FRMPD4: variants seen among roughly 807,000 people sequenced by gnomAD.
The protein encoded by FRMPD4 is FERM and PDZ domain containing 4, also known as FERM and PDZ domain-containing protein 4.
Under a neutral mutation model 94.1 loss-of-function variants are expected in FRMPD4, and 22 were observed. The observed-to-expected ratio is 0.23, with a 90% CI of 0.17 to 0.33. The LOEUF (loss-of-function observed/expected upper bound fraction) is 0.33. Among genes scored for constraint, FRMPD4 ranks in the 10% least tolerant of loss-of-function variants. FRMPD4 has a pLI of 1.00. For missense variants in FRMPD4, 1,111 were observed against 1,339.9 expected (o/e 0.83, Z 2.67); for synonymous variants, 631 against 548.6 (o/e 1.15, Z -2.10).
intron 4 of FRMPD4, among the ~76,000 whole-genome samples, chrX:12,645,347 C>CTTTTTTTTTTTTTTTT (rs138817056): frequency 1.1e-4 from 6 of 55,640 alleles, no homozygotes; most frequent in African/African-American, 4.3e-4. Flanking sequence ...CACTCTCACT[C>CTTTTTTTTTTTTTTTT]TTTTTTTTTT....
intron 1 of FRMPD4, among the ~76,000 whole-genome samples, chrX:12,184,399 C>T (rs1429368149): frequency 2.7e-5 from 3 of 111,467 alleles, no homozygotes; most frequent in African/African-American, 9.8e-5. Context: ...CTCTGGTGGC[C>T]AGTCACACAC....
At chrX:12,316,978 C>A (rs1456080881) in intron 1 of FRMPD4, among the ~76,000 whole-genome samples, 1 of 111,497 alleles carries the variant, frequency 9.0e-6, no homozygotes, top group Non-Finnish European at 1.9e-5. Context: ...AAATTTATAT[C>A]CAGTGAAAAA....
At chrX:12,076,258 G>A (rs1480046106) in intron 3 of FRMPD4, among the ~76,000 whole-genome samples, 2 of 110,293 alleles carry the variant, frequency 1.8e-5, no homozygotes, top group Non-Finnish European at 3.8e-5. Context: ...TTTCCAAATG[G>A]CAAGTTAGTA....
At chrX:12,018,388 C>T (rs1458107673) in intron 3 of FRMPD4, among the ~76,000 whole-genome samples, 1 of 111,041 alleles carries the variant, frequency 9.0e-6, no homozygotes, top group Non-Finnish European at 1.9e-5. Flanking sequence ...TCTCTGTGTA[C>T]AGATTTCCCC....
intron 3 of FRMPD4, among the ~76,000 whole-genome samples, chrX:11,891,337 T>TG (rs2053872338): frequency 8.9e-6 from 1 of 112,064 alleles, no homozygotes; most frequent in Non-Finnish European, 1.9e-5. Flanking sequence ...CAGCTGTGCG[T>TG]GGGATGGAAA....
intron 1 of FRMPD4, among the ~76,000 whole-genome samples, chrX:12,421,790 G>GT (rs1490840458): frequency 3.7e-5 from 4 of 108,165 alleles, no homozygotes; most frequent in African/African-American, 1.3e-4. Context: ...AAAAAAGCTG[G>GT]GGGGGCAGGG....
Position 12,704,495 on chromosome X carries a change from T to C in FRMPD4, c.1197+10T>C. On this transcript the variant is annotated intron_variant, in intron 11 of 16. Coordinates refer to ENST00000675598, the MANE Select transcript of FRMPD4 (RefSeq NM_001368397.1). The stretch of plus-strand genomic sequence containing the variant: ...ACCACCGGGTAAAAAGGTATCACAT[T>C]TCCATCTTAAAAGAAAATTATAAAG... 8.9e-7 allele frequency: 1 copy of C among 1,125,458 alleles called. No homozygotes were observed. The highest frequency in any genetic ancestry group is 1.2e-6 in the Non-Finnish European group (1 of 837,786). 92.8% of individuals were successfully genotyped at this position (1,125,458 alleles called of 1,213,427 possible).
intron 3 of FRMPD4, among the ~76,000 whole-genome samples, chrX:12,107,129 CCTAA>C (rs2055306614): frequency 8.9e-6 from 1 of 112,046 alleles, no homozygotes; most frequent in African/African-American, 3.2e-5. Context: ...CCCCAAGTAG[CCTAA>C]CTGTGAGGCA....
At chrX:12,583,626 G>A (rs2058892036) in intron 2 of FRMPD4, 2 of 461,860 alleles carry the variant, frequency 4.3e-6, no homozygotes, top group Non-Finnish European at 3.6e-6. Context: ...TGGCGGCCCC[G>A]CCCCCGGCCC....
At chrX:12,190,135 CTT>C (rs1413053124) in intron 1 of FRMPD4, among the ~76,000 whole-genome samples, 2 of 110,859 alleles carry the variant, frequency 1.8e-5, no homozygotes, top group Non-Finnish European at 1.9e-5. Flanking sequence ...GAAATAAACA[CTT>C]ATATATAAAT....
intron 3 of FRMPD4, among the ~76,000 whole-genome samples, chrX:12,091,957 C>T (rs757061397): frequency 8.1e-5 from 9 of 111,723 alleles, no homozygotes; most frequent in Non-Finnish European, 1.3e-4. Context: ...ATAACAACAA[C>T]GATGATTATG....
At chrX:12,069,625 G>A (rs1057450270) in intron 3 of FRMPD4, among the ~76,000 whole-genome samples, 2 of 111,518 alleles carry the variant, frequency 1.8e-5, no homozygotes, top group African/African-American at 6.5e-5. Context: ...AAGGTCAGTG[G>A]GTGGAAGGTA....
intron 1 of FRMPD4, among the ~76,000 whole-genome samples, chrX:12,398,261 T>A (rs2056569168): frequency 8.9e-6 from 1 of 112,350 alleles, no homozygotes; most frequent in Non-Finnish European, 1.9e-5. Flanking sequence ...TAAAATCTGA[T>A]TTAATTTTGT....
At chrX:11,828,293 C>T (rs2053455805) in intron 1 of FRMPD4, among the ~76,000 whole-genome samples, 1 of 112,067 alleles carries the variant, frequency 8.9e-6, no homozygotes, top group Non-Finnish European at 1.9e-5. Context: ...GTAGCCTCTG[C>T]AACATTGTAT....
At chrX:11,828,317 T>A (rs970259153) in intron 1 of FRMPD4, among the ~76,000 whole-genome samples, 1 of 112,070 alleles carries the variant, frequency 8.9e-6, no homozygotes, top group African/African-American at 3.2e-5. Context: ...ATATCACTGA[T>A]CCAACTTCAG....
At chrX:12,047,801 C>G (rs906184808) in intron 3 of FRMPD4, among the ~76,000 whole-genome samples, 1 of 112,361 alleles carries the variant, frequency 8.9e-6, no homozygotes, top group Non-Finnish European at 1.9e-5. Flanking sequence ...CTCCAGCTGT[C>G]CATGCTGCTG....
chrX:12,332,288 T>C (rs1382547542), intron 1 of FRMPD4, among the ~76,000 whole-genome samples: 2 of 99,651 alleles, frequency 2.0e-5, no homozygotes, highest in African/African-American at 7.3e-5. Flanking sequence ...TTAACAAATG[T>C]AATGTTTCAA....
chrX:12,155,976 T>C (rs1368132410), intron 1 of FRMPD4, among the ~76,000 whole-genome samples: 1 of 112,303 alleles, frequency 8.9e-6, no homozygotes, highest in Non-Finnish European at 1.9e-5. Context: ...ATATGGCACA[T>C]AAAGCTTAAA....
At chrX:11,854,750 T>G (rs1234722269) in intron 1 of FRMPD4, among the ~76,000 whole-genome samples, 1 of 112,685 alleles carries the variant, frequency 8.9e-6, no homozygotes, top group Non-Finnish European at 1.9e-5. Context: ...CCCCGTGGCT[T>G]TGCAGGGTAC....
Sources: gnomAD v4.1 joint callset for allele counts (sites outside exome capture counted in the v4.1 genomes callset) on GRCh38, gnomAD v4.1.1 for gene constraint, MANE v1.5 for transcripts, NCBI Gene and HGNC (gene_info 2026-07-23, HGNC 2026-07-21) for gene names.